Variants in ASXL3 observed in about 807,000 individuals in gnomAD.
The protein encoded by ASXL3 is putative Polycomb group protein ASXL3.
In ASXL3, 34 loss-of-function variants were observed where a neutral mutation model predicts 170.6. The ratio of observed to expected loss-of-function variants is 0.20; its 90% confidence interval spans 0.15 to 0.27. The LOEUF is 0.27. Ranked by LOEUF, ASXL3 falls within the 10% of genes least tolerant of loss-of-function variation. The pLI is 1.00. For missense variants in ASXL3, 2,592 were observed against 2,695.3 expected, an observed-to-expected ratio of 0.96 and a Z score of 0.85; for synonymous variants, 1,002 against 989.1, an observed-to-expected ratio of 1.01 and a Z score of -0.24.
chr18:33,727,212 T>C (rs1225314222), intron 8 of ASXL3, among the ~76,000 whole-genome samples: 1 of 152,164 alleles, frequency 6.6e-6, no homozygotes, highest in Admixed American at 6.5e-5. Context: ...ACTTTCTAAC[T>C]CCAGCACTCA....
At position 33,661,516 on chromosome 18, in the gene ASXL3, G is replaced by A. The variant is rs562630997; in HGVS notation, c.356-100G>A. The A allele has an allele frequency of 2.9e-4, 333 of 1,158,862 alleles. No individual in the cohort carries two copies. In the African/African-American group the frequency reaches 4.6e-3, roughly 16 times the overall value. The allele number at this position is 1,158,862 out of a possible 1,614,324, so 71.8% of individuals were successfully genotyped here. On this transcript the variant is annotated intron_variant, in intron 4 of 11. Transcript: ENST00000269197. Reference sequence around the variant, plus strand: ...ACTGTGCTATTTTGCTTTATTTTAGGTATCCATTTTCAATTGCAGAAAAGC... The same window carrying A: ...ACTGTGCTATTTTGCTTTATTTTAGATATCCATTTTCAATTGCAGAAAAGC...
chr18:33,665,919 G>T (rs181344883), intron 5 of ASXL3, among the ~76,000 whole-genome samples: 13 of 152,246 alleles, frequency 8.5e-5, no homozygotes, highest in African/African-American at 3.1e-4. Context: ...TAGCTATGTT[G>T]TGTGTGTTTC....
Position 33,732,094 on chromosome 18 carries a change from C to A in ASXL3, c.976+30C>A, listed in dbSNP as rs758650050. The stretch of plus-strand genomic sequence containing the variant: ...ATTTGTATTTTCTATTATTATGTGA[C>A]ATATTGGAGTACACATACCGTACTG... On this transcript the variant is annotated intron_variant, in intron 9 of 11. Coordinates refer to ENST00000269197, the MANE Select transcript of ASXL3 (RefSeq NM_030632.3). 3.2e-6 allele frequency: 5 copies of A among 1,551,812 alleles called. No homozygotes were observed. In the East Asian group the frequency reaches 9.0e-5, roughly 28 times the overall value.
rs1045919879 is a variant in ASXL3 at position 33,631,974 on chromosome 18, G to T, written c.138-12920G>T. ...ATTTAAAATGGAAAGAATTAGGCTG[G>T]AAGAAAGTTTACAAAGTGCTTAGAG... is the stretch of plus-strand genomic sequence containing the variant. On this transcript the variant is annotated intron_variant, in intron 2 of 11. Transcript: ENST00000269197. 1.1e-4 allele frequency among the ~76,000 whole-genome samples: 17 copies of T among 152,074 alleles called. 1 individual carries two copies. Among genetic ancestry groups the T allele is most frequent in the African/African-American group, 4.1e-4 (17 of 41,420 alleles).
chr18:33,675,865 TAAG>T (rs974546666), intron 7 of ASXL3, among the ~76,000 whole-genome samples: 2 of 151,938 alleles, frequency 1.3e-5, no homozygotes, highest in South Asian at 2.1e-4. Flanking sequence ...AAAACAACAA[TAAG>T]AAGAAGAAGC....
chr18:33,610,691 T>G (rs567223636), intron 2 of ASXL3, among the ~76,000 whole-genome samples: 34 of 152,216 alleles, frequency 2.2e-4, no homozygotes, highest in South Asian at 1.0e-3. Flanking sequence ...AACAGTTGTT[T>G]AGTCAATAAT....
At chr18:33,609,001 T>A (rs991736197) in intron 2 of ASXL3, 1 of 982,120 alleles carries the variant, frequency 1.0e-6, no homozygotes, top group South Asian at 4.7e-5. Flanking sequence ...GCTGGAGAAA[T>A]AGCCTAAGAT....
intron 8 of ASXL3, among the ~76,000 whole-genome samples, chr18:33,700,141 G>A (rs573746775): frequency 3.9e-5 from 6 of 152,016 alleles, no homozygotes; most frequent in Non-Finnish European, 8.8e-5. Context: ...ATGGGGTTTT[G>A]TTTGGTTTAT....
At chr18:33,640,103 T>C (rs1364006903) in intron 2 of ASXL3, among the ~76,000 whole-genome samples, 3 of 152,090 alleles carry the variant, frequency 2.0e-5, no homozygotes, top group Non-Finnish European at 4.4e-5. Flanking sequence ...ATCTTTCTTA[T>C]TCCTCTTATG....
Position 33,747,174 on chromosome 18 carries a change from G to A in ASXL3, c.*579G>A, listed in dbSNP as rs1410937745. 1 of 152,214 alleles carries A rather than the reference G, an allele frequency of 6.6e-6. No homozygotes were observed. Among genetic ancestry groups the A allele is most frequent in the African/African-American group, 2.4e-5 (1 of 41,450 alleles). 9.4% of individuals were successfully genotyped at this position (152,214 alleles called of 1,614,324 possible). A position where few individuals can be genotyped will look rare whatever the true frequency, so the allele number is the denominator to read the frequency against. ...CCATTAATGAAATCCACTGTCCTGA[G>A]TATTATCTTTCCTCCTGTTGTACTT... is the stretch of plus-strand genomic sequence containing the variant. On this transcript the variant is annotated 3_prime_UTR_variant, in exon 12 of 12. Coordinates refer to ENST00000269197, the MANE Select transcript of ASXL3 (RefSeq NM_030632.3).
intron 4 of ASXL3, among the ~76,000 whole-genome samples, chr18:33,648,260 C>T (rs951283746): frequency 1.3e-5 from 2 of 152,032 alleles, no homozygotes; most frequent in African/African-American, 4.8e-5. Flanking sequence ...CAGCTATTGT[C>T]GTAATCTAGA....
At chr18:33,682,404 T>TC (rs1217290624) in intron 7 of ASXL3, among the ~76,000 whole-genome samples, 1 of 152,196 alleles carries the variant, frequency 6.6e-6, no homozygotes, top group Non-Finnish European at 1.5e-5. Flanking sequence ...CAGTTGACTG[T>TC]CCCTTATGGT....
chr18:33,692,444 G>C (rs1379807339), intron 8 of ASXL3, among the ~76,000 whole-genome samples: 1 of 152,032 alleles, frequency 6.6e-6, no homozygotes, highest in Non-Finnish European at 1.5e-5. Flanking sequence ...TACTATCTCT[G>C]CAGGGATGCT....
In ASXL3 at chr18:33,743,943, TAAC is replaced by T. The variant is rs747802039; in HGVS notation, c.4100_4102del (p.Asn1367del). The T allele has an allele frequency of 4.3e-6, 7 of 1,613,842 alleles. No homozygotes were observed. Among genetic ancestry groups the T allele is most frequent in the African/African-American group, 2.7e-5 (2 of 74,898 alleles). Reference sequence around the variant, plus strand: ...CTGTCTTGATTCCCCCAATGGGAATTAACAACAGATTTCCTTCTGAGAAGATAG... The same window carrying T: ...CTGTCTTGATTCCCCCAATGGGAATTAACAGATTTCCTTCTGAGAAGATAG... On this transcript the variant is annotated inframe_deletion, in exon 12 of 12. Coordinates refer to ENST00000269197, the MANE Select transcript of ASXL3 (RefSeq NM_030632.3).
chr18:33,607,301 G>A (rs1188349394), intron 1 of ASXL3, among the ~76,000 whole-genome samples: 1 of 151,894 alleles, frequency 6.6e-6, no homozygotes. Context: ...TTTAAATAAA[G>A]GAAATTATAT....
Position 33,678,449 on chromosome 18 carries a change from C to A in ASXL3, c.716-4956C>A, listed in dbSNP as rs79711754. ...GTGAGTCCTGAAGCCAGCAGACTAC[C>A]CAGTGATCAATAAGTGTTCTGGAGC... On this transcript the variant is annotated intron_variant, in intron 7 of 11. Transcript: ENST00000269197. 3.0e-3 allele frequency among the ~76,000 whole-genome samples: 461 copies of A among 152,226 alleles called. 3 individuals are homozygous for A. The highest frequency in any genetic ancestry group is 0.011 in the African/African-American group (446 of 41,534).
At chr18:33,701,033 A>G (rs976704444) in intron 8 of ASXL3, among the ~76,000 whole-genome samples, 1 of 151,836 alleles carries the variant, frequency 6.6e-6, no homozygotes, top group Non-Finnish European at 1.5e-5. Context: ...TTTCCAAAAG[A>G]TCTGTTGTTT....
intron 10 of ASXL3, among the ~76,000 whole-genome samples, chr18:33,737,624 ATAAAAGAATT>A (rs1196937207): frequency 6.6e-6 from 1 of 152,152 alleles, no homozygotes; most frequent in African/African-American, 2.4e-5. Context: ...AGAGATCTGC[ATAAAAGAATT>A]TAAAAGTCTT....
chr18:33,627,486 T>C (rs2145164936), intron 2 of ASXL3, among the ~76,000 whole-genome samples: 1 of 152,174 alleles, frequency 6.6e-6, no homozygotes, highest in East Asian at 1.9e-4. Context: ...TTTCCTTTCT[T>C]GTATATATCC....
Sources: gnomAD v4.1 joint callset for allele counts (sites outside exome capture counted in the v4.1 genomes callset) on GRCh38, gnomAD v4.1.1 for gene constraint, MANE v1.5 for transcripts, NCBI Gene and HGNC (gene_info 2026-07-23, HGNC 2026-07-21) for gene names.